STOML1: variants seen among roughly 807,000 people sequenced by gnomAD.
STOML1 encodes stomatin like 1, also known as stomatin-like protein 1.
STOML1 carries 27 observed loss-of-function variants against 35.7 expected under a neutral mutation model. That is an observed-to-expected ratio of 0.76 (90% CI 0.56 to 1.04). The LOEUF is 1.04. Among genes scored for constraint, STOML1 ranks in the 50% least tolerant of loss-of-function variants. STOML1 has a pLI of 0.00. For synonymous variants in STOML1, 219 were observed against 227.9 expected (o/e 0.96, Z 0.35); for missense variants, 451 against 527.1 (o/e 0.86, Z 1.41).
chr15:73,985,758 G>A, intron 4 of STOML1: 1 of 483,440 alleles, frequency 2.1e-6, no homozygotes, highest in Non-Finnish European at 3.6e-6. Flanking sequence ...GTCCTCAGGT[G>A]GAGGAGGACC....
chr15:73,983,685 A>G lies in STOML1; in HGVS notation c.*252T>C. 2 of 430,238 alleles carry G rather than the reference A, an allele frequency of 4.6e-6. No individual in the cohort carries two copies. The highest frequency in any genetic ancestry group is 4.2e-6 in the Non-Finnish European group (1 of 240,954). The allele number at this position is 430,238 out of a possible 1,614,324, so 26.7% of individuals were successfully genotyped here. ...CTCTCCTCCTGGAATCACACCGTGC[A>G]CCCAGCTCAGCGCTGGGCACTCAGC... On this transcript the variant is annotated 3_prime_UTR_variant, in exon 7 of 7. Transcript: ENST00000541638.
Position 73,981,008 on chromosome 15 carries a change from C to T in STOML1, c.*2929G>A, listed in dbSNP as rs1411467105. On this transcript the variant is annotated 3_prime_UTR_variant, in exon 7 of 7. Coordinates refer to ENST00000541638, the MANE Select transcript of STOML1 (RefSeq NM_004809.5). ...GCTACAGTGAGCTATGATCATGCCA[C>T]TGCACTCCAGCCTGGGTGATAGAGC... 6.6e-6 allele frequency: 1 copy of T among 152,086 alleles called. No homozygotes were observed. Among genetic ancestry groups the T allele is most frequent in the Admixed American group, 6.6e-5 (1 of 15,254 alleles). 9.4% of individuals were successfully genotyped at this position (152,086 alleles called of 1,614,324 possible).
In STOML1 at chr15:73,992,024, C is replaced by T. The variant is rs2069293042; in HGVS notation, c.133+67G>A. 4.7e-6 allele frequency: 7 copies of T among 1,483,474 alleles called. No individual in the cohort carries two copies. In the South Asian group the frequency reaches 8.0e-5, roughly 17 times the overall value. 91.9% of individuals were successfully genotyped at this position (1,483,474 alleles called of 1,614,324 possible). On this transcript the variant is annotated intron_variant, in intron 1 of 6. Coordinates refer to ENST00000541638, the MANE Select transcript of STOML1 (RefSeq NM_004809.5). ...ACCGGGCCGGCCGACTCCTCGGAGG[C>T]AGAGATTCGGGCCTGGGGGTTGCCG...
Position 73,989,000 on chromosome 15 carries a change from T to G in STOML1, c.390+108A>C, listed in dbSNP as rs936567091. On this transcript the variant is annotated intron_variant, in intron 3 of 6. Coordinates refer to ENST00000541638, the MANE Select transcript of STOML1 (RefSeq NM_004809.5). The surrounding 1 kb of genome is among the most constrained non-coding windows in gnomAD (Gnocchi z 4.8). ...TTCCATCAATTTTCTGGTCTCTTCTTCCCCCTTCCCCCCTCAGATGGTGAC... is the reference window on the plus strand; with the variant it reads ...TTCCATCAATTTTCTGGTCTCTTCTGCCCCCTTCCCCCCTCAGATGGTGAC... 1.3e-6 allele frequency: 2 copies of G among 1,496,762 alleles called. No homozygotes were observed. The highest frequency in any genetic ancestry group is 2.2e-5 in the Admixed American group (1 of 45,012). 92.7% of individuals were successfully genotyped at this position (1,496,762 alleles called of 1,614,324 possible). A position where few individuals can be genotyped will look rare whatever the true frequency, so the allele number is the denominator to read the frequency against.
At position 73,988,441 on chromosome 15, in the gene STOML1, G is replaced by A; in HGVS notation, c.594+158C>T. 1 of 849,874 alleles carries A rather than the reference G, an allele frequency of 1.2e-6. No individual in the cohort carries two copies. The highest frequency in any genetic ancestry group is 1.8e-6 in the Non-Finnish European group (1 of 561,346). 52.6% of individuals were successfully genotyped at this position (849,874 alleles called of 1,614,324 possible). ...GCCCACCTGCCATTCCTCAACTCAT[G>A]GCCCCACCCAGGCACTGGCTCTTCA... is the stretch of plus-strand genomic sequence containing the variant. On this transcript the variant is annotated intron_variant, in intron 4 of 6. Transcript: ENST00000541638. The surrounding 1 kb of genome is among the most constrained non-coding windows in gnomAD (Gnocchi z 4.8).
At chr15:73,991,066 C>T (rs2069259251) in intron 1 of STOML1, 2 of 1,299,030 alleles carry the variant, frequency 1.5e-6, no homozygotes, top group East Asian at 3.0e-5. Context: ...GCCTATTTCA[C>T]GAGATGGCGC....
chr15:73,985,565 G>A (rs1345315470), intron 4 of STOML1, 52 bp from the exon 5 acceptor site: 9 of 1,523,628 alleles, frequency 5.9e-6, no homozygotes, highest in Non-Finnish European at 5.3e-6. Flanking sequence ...CCTTTCCTGA[G>A]CACCTTCTTT....
At position 73,988,880 on chromosome 15, in the gene STOML1, G is replaced by A; in HGVS notation, c.391-78C>T. 6.5e-7 allele frequency: 1 copy of A among 1,543,900 alleles called. No homozygotes were observed. Among genetic ancestry groups the A allele is most frequent in the Non-Finnish European group, 8.8e-7 (1 of 1,139,492 alleles). ...AGGTCAGGCCCACTGGGGCCACCCA[G>A]CTTGAACCACCTGCTTGGCAGCTAG... On this transcript the variant is annotated intron_variant, in intron 3 of 6. Coordinates refer to ENST00000541638, the MANE Select transcript of STOML1 (RefSeq NM_004809.5). This position sits in a 1 kb window ranked among gnomAD's most constrained non-coding sequence, Gnocchi z 4.8.
At position 73,990,402 on chromosome 15, in the gene STOML1, C is replaced by A. The variant is rs542804313; in HGVS notation, c.189G>T (p.Gly63=). 6.2e-7 allele frequency: 1 copy of A among 1,614,132 alleles called. No individual in the cohort carries two copies. Among genetic ancestry groups the A allele is most frequent in the Admixed American group, 1.7e-5 (1 of 60,024 alleles). The change falls in exon 2 of 7, where the codon GGG becomes GGT. Residue 63 remains glycine (G), a synonymous_variant. Coordinates refer to ENST00000541638, the MANE Select transcript of STOML1 (RefSeq NM_004809.5). The stretch of plus-strand genomic sequence containing the variant: ...GGAAGGTGACCAACAGCAGCAAGAA[C>A]CCCAGGAAACTGATGAGGCCATGAC... ...CLCHGLISFL[G]FLLLLVTFPI...
chr15:73,989,144 A>G lies in STOML1; in HGVS notation c.354T>C (p.Asp118=), dbSNP rs1422575276. ...GGACGTTGAAGGCTCGTGTCCTCAG[A>G]TCCACCCTCTGAAAGGAGTCAATGA... ...LPFIDSFQRV[D]LRTRAFNVPP... The change falls in exon 3 of 7, where the codon GAT becomes GAC. Residue 118 remains aspartate (D), a synonymous_variant. Transcript: ENST00000541638. 1 of 1,611,646 alleles carries G rather than the reference A, an allele frequency of 6.2e-7. No homozygotes were observed. The highest frequency in any genetic ancestry group is 8.5e-7 in the Non-Finnish European group (1 of 1,178,718).
chr15:73,992,204 T>C lies in STOML1; in HGVS notation c.20A>G (p.Tyr7Cys). MLGRSG[Y>C]RALPLGDFDR... ...AAAATCACCCAGGGGCAGCGCCCGG[T>C]ACCCAGACCTGCCGAGCATGGCTTT... Residue 7 changes from tyrosine (Y) to cysteine (C), a missense_variant, in exon 1 of 7, where the codon TAC becomes TGC. Tyr to Cys is a radical substitution (Grantham distance 194). Transcript: ENST00000541638. 2 of 1,604,142 alleles carry C rather than the reference T, an allele frequency of 1.2e-6. No homozygotes were observed. Among genetic ancestry groups the C allele is most frequent in the Non-Finnish European group, 1.7e-6 (2 of 1,176,488 alleles).
chr15:73,988,635 G>T lies in STOML1; in HGVS notation c.558C>A (p.Ile186=). 1 of 1,614,206 alleles carries T rather than the reference G, an allele frequency of 6.2e-7. No homozygotes were observed. The change falls in exon 4 of 7, where the codon ATC becomes ATA. Residue 186 remains isoleucine (I), a synonymous_variant. Coordinates refer to ENST00000541638, the MANE Select transcript of STOML1 (RefSeq NM_004809.5). The surrounding 1 kb of genome is among the most constrained non-coding windows in gnomAD (Gnocchi z 4.8). ...KALLKRPLRE[I]QMEKLKISDQ... ...CGCTGATCTTGAGCTTCTCCATCTG[G>T]ATCTCCCGCAGCGGCCTCTTGAGCA...
At chr15:73,992,419 C>T, upstream of STOML1, 1 of 503,936 alleles carries the variant, frequency 2.0e-6, no homozygotes, top group Non-Finnish European at 3.1e-6. Context: ...CTGGGAGGAC[C>T]GAACTGCAGC....
intron 1 of STOML1, chr15:73,990,813 A>T (rs2069251274): frequency 1.3e-6 from 2 of 1,535,204 alleles, no homozygotes; most frequent in African/African-American, 2.7e-5. Flanking sequence ...GCCTACCCAT[A>T]CCTGGCATGG....
In STOML1 at chr15:73,988,927, C is replaced by A; in HGVS notation, c.391-125G>T. Reference sequence around the variant, plus strand: ...CTAGCTCCTCAAGGGCAAATGGTGTCACCAAGTATGTAGGGTTAGGTGTAT... The same window carrying A: ...CTAGCTCCTCAAGGGCAAATGGTGTAACCAAGTATGTAGGGTTAGGTGTAT... On this transcript the variant is annotated intron_variant, in intron 3 of 6. Coordinates refer to ENST00000541638, the MANE Select transcript of STOML1 (RefSeq NM_004809.5). This position sits in a 1 kb window ranked among gnomAD's most constrained non-coding sequence, Gnocchi z 4.8. The A allele has an allele frequency of 6.9e-7, 1 of 1,451,290 alleles. No individual in the cohort carries two copies. The highest frequency in any genetic ancestry group is 1.3e-5 in the South Asian group (1 of 74,978). 89.9% of individuals were successfully genotyped at this position (1,451,290 alleles called of 1,614,324 possible).
Position 73,982,470 on chromosome 15 carries a change from G to C in STOML1, c.*1467C>G, listed in dbSNP as rs2068972298. The stretch of plus-strand genomic sequence containing the variant: ...CAATGGCCATGGCAGTGACAGAGGG[G>C]TCTGTGCTGGGCTTTAGGGAGGTGC... On this transcript the variant is annotated 3_prime_UTR_variant, in exon 7 of 7. Transcript: ENST00000541638. The C allele has an allele frequency of 1.3e-5, 2 of 152,848 alleles. No individual in the cohort carries two copies. Among genetic ancestry groups the C allele is most frequent in the Admixed American group, 6.5e-5 (1 of 15,288 alleles). 9.5% of individuals were successfully genotyped at this position (152,848 alleles called of 1,614,324 possible).
At chr15:73,990,106 G>C (rs754510421) in intron 2 of STOML1, 27 of 467,420 alleles carry the variant, frequency 5.8e-5, no homozygotes, top group Non-Finnish European at 9.8e-5. Flanking sequence ...CCAGTGTCCA[G>C]ATCCCAGGAC....
rs2069055147 is a variant in STOML1 at position 73,985,304 on chromosome 15, C to T, written c.790+14G>A. On this transcript the variant is annotated intron_variant, in intron 5 of 6. Transcript: ENST00000541638. Reference sequence around the variant, plus strand: ...CTGGTAAACACCCCCGCTCTCCTCCCCAGGGCTCCTCACCTGGCCCCGGGG... The same window carrying T: ...CTGGTAAACACCCCCGCTCTCCTCCTCAGGGCTCCTCACCTGGCCCCGGGG... 6.6e-7 allele frequency: 1 copy of T among 1,521,372 alleles called. No individual in the cohort carries two copies. Among genetic ancestry groups the T allele is most frequent in the South Asian group, 1.3e-5 (1 of 74,430 alleles). The allele number at this position is 1,521,372 out of a possible 1,614,324, so 94.2% of individuals were successfully genotyped here.
At position 73,992,241 on chromosome 15, in the gene STOML1, A is replaced by T. The variant is rs770011328; in HGVS notation, c.-18T>A. 6.3e-7 allele frequency: 1 copy of T among 1,583,932 alleles called. No homozygotes were observed. The highest frequency in any genetic ancestry group is 8.6e-7 in the Non-Finnish European group (1 of 1,168,498). On this transcript the variant is annotated 5_prime_UTR_variant, in exon 1 of 7. Transcript: ENST00000541638. ...CCGAGCATGGCTTTTGACAGGAGAC[A>T]CGCCCCGCGCCTCCGCGCGGCGCCC...
Sources: allele counts gnomAD v4.1 joint callset, GRCh38; gene constraint gnomAD v4.1.1; non-coding constraint Gnocchi (gnomAD v3.1); transcripts MANE v1.5; gene names NCBI Gene and HGNC (gene_info 2026-07-23, HGNC 2026-07-21).